ROBO1: variants seen among roughly 807,000 people sequenced by gnomAD.
The protein encoded by ROBO1 is roundabout guidance receptor 1.
In ROBO1, 149 loss-of-function variants were observed where a neutral mutation model predicts 195.9. That is an observed-to-expected ratio of 0.76 (90% CI 0.67 to 0.87). The LOEUF is 0.87. ROBO1 is among the 40% of genes least tolerant of loss of function. The pLI, the probability that ROBO1 is intolerant of heterozygous loss-of-function variation, is 0.00. For missense variants in ROBO1, 1,933 were observed against 2,068.3 expected (o/e 0.93, Z 1.27); for synonymous variants, 816 against 733.2 (o/e 1.11, Z -1.82).
At chr3:78,851,179 A>G (rs1393540814) in intron 4 of ROBO1, among the ~76,000 whole-genome samples, 1 of 152,150 alleles carries the variant, frequency 6.6e-6, no homozygotes, top group Non-Finnish European at 1.5e-5. Context: ...TTTAAACTAT[A>G]AGGTAGAAAA....
intron 1 of ROBO1, among the ~76,000 whole-genome samples, chr3:79,763,572 G>C (rs1704826332): frequency 1.3e-5 from 2 of 152,068 alleles, no homozygotes; most frequent in Admixed American, 6.5e-5. Context: ...TGCAGAAATG[G>C]AAAGGCAGAA....
At chr3:78,893,804 A>G (rs2037065716) in intron 4 of ROBO1, among the ~76,000 whole-genome samples, 1 of 152,116 alleles carries the variant, frequency 6.6e-6, no homozygotes, top group Non-Finnish European at 1.5e-5. Context: ...AGACATTTTT[A>G]TGATAGATTT....
intron 2 of ROBO1, among the ~76,000 whole-genome samples, chr3:79,186,297 C>A (rs952489771): frequency 2.0e-5 from 3 of 151,608 alleles, no homozygotes; most frequent in Non-Finnish European, 2.9e-5. Context: ...TTATGTATAT[C>A]TACACACACA....
chr3:78,627,383 G>C lies in ROBO1; in HGVS notation c.3813C>G (p.Leu1271=), dbSNP rs781633932. 1.2e-6 allele frequency: 2 copies of C among 1,612,598 alleles called. No individual in the cohort carries two copies. Among genetic ancestry groups the C allele is most frequent in the Non-Finnish European group, 1.7e-6 (2 of 1,179,314 alleles). The stretch of plus-strand genomic sequence containing the variant: ...CTGGACAATCCTGTAACATGGGCTG[G>C]AGTTCTTCCTGTGGGGAGGGAGTCA... The part of the protein sequence containing the change: ...ATLTPSPQEE[L]QPMLQDCPEE... Residue 1271 remains leucine, a synonymous_variant, in exon 26 of 31, where the codon CTC becomes CTG. Transcript: ENST00000464233.
chr3:79,276,069 A>G (rs913621207), intron 2 of ROBO1, among the ~76,000 whole-genome samples: 3 of 152,176 alleles, frequency 2.0e-5, no homozygotes, highest in East Asian at 3.9e-4. Context: ...TACAGATTCA[A>G]TGCAATCCCT....
intron 2 of ROBO1, among the ~76,000 whole-genome samples, chr3:79,309,919 A>C (rs2033402671): frequency 6.6e-6 from 1 of 152,224 alleles, no homozygotes; most frequent in African/African-American, 2.4e-5. Context: ...TCTAAAATTT[A>C]GATACAACTC....
At chr3:78,761,671 A>T (rs944703103) in intron 4 of ROBO1, among the ~76,000 whole-genome samples, 1 of 152,170 alleles carries the variant, frequency 6.6e-6, no homozygotes, top group Admixed American at 6.5e-5. Context: ...TGCAATAAAA[A>T]TTACATTTAA....
intron 3 of ROBO1, among the ~76,000 whole-genome samples, chr3:78,954,035 A>T (rs1392882420): frequency 1.3e-5 from 2 of 152,028 alleles, no homozygotes; most frequent in Non-Finnish European, 2.9e-5. Flanking sequence ...GAAACACTGA[A>T]AATAAAGCTA....
At chr3:79,019,064 G>A (rs913371023) in intron 3 of ROBO1, 3 of 989,506 alleles carry the variant, frequency 3.0e-6, no homozygotes, top group South Asian at 4.7e-5. Flanking sequence ...GGGGCGGTGC[G>A]GCGACAGCGG....
At position 79,335,279 on chromosome 3, in the gene ROBO1, T is replaced by C. The variant is rs187822681; in HGVS notation, c.89-209740A>G. 1.4e-3 allele frequency among the ~76,000 whole-genome samples: 220 copies of C among 152,330 alleles called. 1 individual carries two copies. Among genetic ancestry groups the C allele is most frequent in the Admixed American group, 3.0e-3 (46 of 15,298 alleles). On this transcript the variant is annotated intron_variant, in intron 2 of 30. Transcript: ENST00000464233. ...ATATAGCGTATCAGAGAAATGAATG[T>C]ATATTCAAGAAATTTGTACAGGGAG... is the stretch of plus-strand genomic sequence containing the variant.
At chr3:78,661,349 CAAAA>C in intron 15 of ROBO1, 88 bp from the exon 16 acceptor site, 1 of 796,708 alleles carries the variant, frequency 1.3e-6, no homozygotes, top group Non-Finnish European at 1.8e-6. Flanking sequence ...ATAAAATGCA[CAAAA>C]TTCTGTCTGG....
chr3:79,743,515 C>CT (rs1703738503), intron 1 of ROBO1, among the ~76,000 whole-genome samples: 2 of 152,134 alleles, frequency 1.3e-5, no homozygotes. Flanking sequence ...TTTATGAACA[C>CT]TGTACACTTA....
chr3:78,741,197 G>A (rs575873721), intron 5 of ROBO1, among the ~76,000 whole-genome samples: 1 of 152,174 alleles, frequency 6.6e-6, no homozygotes, highest in South Asian at 2.1e-4. Flanking sequence ...CTCCATAAGA[G>A]ATCAGCAATT....
At chr3:79,214,164 G>A (rs2082014076) in intron 2 of ROBO1, among the ~76,000 whole-genome samples, 1 of 151,976 alleles carries the variant, frequency 6.6e-6, no homozygotes, top group East Asian at 1.9e-4. Flanking sequence ...TGAGACCATG[G>A]CAAATTGTTG....
intron 2 of ROBO1, among the ~76,000 whole-genome samples, chr3:79,463,209 T>C (rs984646352): frequency 5.3e-5 from 8 of 151,846 alleles, no homozygotes; most frequent in Non-Finnish European, 5.9e-5. Context: ...CCGTCTCTAC[T>C]AAAAGTACAA....
chr3:79,759,514 C>G (rs1704579403), intron 1 of ROBO1, among the ~76,000 whole-genome samples: 1 of 152,076 alleles, frequency 6.6e-6, no homozygotes, highest in African/African-American at 2.4e-5. Context: ...AAAGTTCATC[C>G]TTAGTAAACA....
At chr3:78,678,338 A>G (rs1316871066) in intron 10 of ROBO1, among the ~76,000 whole-genome samples, 1 of 152,084 alleles carries the variant, frequency 6.6e-6, no homozygotes, top group East Asian at 1.9e-4. Context: ...GCAGAACTGA[A>G]GGAAATAGAG....
chr3:79,262,351 A>T (rs2082955370), intron 2 of ROBO1, among the ~76,000 whole-genome samples: 1 of 152,068 alleles, frequency 6.6e-6, no homozygotes, highest in Non-Finnish European at 1.5e-5. Flanking sequence ...GAAAAAACTG[A>T]AAATAAAGAT....
Position 79,412,874 on chromosome 3 carries a change from A to ATTTTTTTTTTTTTT in ROBO1, c.88+176936_88+176949dup, listed in dbSNP as rs1167482550. On this transcript the variant is annotated intron_variant, in intron 2 of 30. Transcript: ENST00000464233. The stretch of plus-strand genomic sequence containing the variant: ...AATGATTTTATTGCCTCATGAGCTG[A>ATTTTTTTTTTTTTT]TTTTTTTTTTTTTTTTTTTTTTTTT... 5.5e-4 allele frequency among the ~76,000 whole-genome samples: 21 copies of ATTTTTTTTTTTTTT among 38,346 alleles called. 5 individuals are homozygous for ATTTTTTTTTTTTTT. The highest frequency in any genetic ancestry group is 1.2e-3 in the Admixed American group (3 of 2,512). The allele number at this position is 38,346 out of a possible 152,430, so 25.2% of individuals were successfully genotyped here. A position where few individuals can be genotyped will look rare whatever the true frequency, so the allele number is the denominator to read the frequency against.
Sources: allele counts gnomAD v4.1 joint callset (sites outside exome capture counted in the v4.1 genomes callset), GRCh38; gene constraint gnomAD v4.1.1; transcripts MANE v1.5; gene names NCBI Gene and HGNC (gene_info 2026-07-23, HGNC 2026-07-21).